The following SHPRH variants were observed in gnomAD, a reference collection of about 807,000 sequenced individuals.
SHPRH encodes the protein SNF2 histone linker PHD RING helicase.
Under a neutral mutation model 202.5 loss-of-function variants are expected in SHPRH, and 106 were observed. That is an observed-to-expected ratio of 0.52 (90% CI 0.45 to 0.62). The LOEUF (loss-of-function observed/expected upper bound fraction) is 0.62, where lower values mean the gene tolerates loss of function less well. SHPRH is among the 20% of genes least tolerant of loss of function. The probability of loss-of-function intolerance (pLI) is 0.00; values close to 1 mark genes in which losing one functional copy is unlikely to be tolerated. For missense variants in SHPRH, 1,710 were observed against 2,020.0 expected, an observed-to-expected ratio of 0.85 and a Z score of 2.94; for synonymous variants, 729 against 686.0, an observed-to-expected ratio of 1.06 and a Z score of -0.98.
intron 29 of SHPRH, among the ~76,000 whole-genome samples, chr6:145,887,529 G>GT (rs200904161): frequency 0.03 from 3,874 of 129,902 alleles, 152 homozygotes; most frequent in African/African-American, 0.038. Flanking sequence ...ACCTTAACAA[G>GT]TTTGTTTTTT....
At chr6:145,858,792 GT>G in the SHPRH span, among the ~76,000 whole-genome samples, 5 of 151,964 alleles carry the variant, frequency 3.3e-5, no homozygotes, top group African/African-American at 9.7e-5. Flanking sequence ...CAATAAATGT[GT>G]CACAGAACTA....
chr6:145,955,812 C>G (rs1005461310), intron 1 of SHPRH, among the ~76,000 whole-genome samples: 1 of 151,712 alleles, frequency 6.6e-6, no homozygotes, highest in Admixed American at 6.6e-5. Flanking sequence ...AAATAAGACC[C>G]ATTACAAGAA....
At chr6:145,887,883 G>A in intron 29 of SHPRH, 137 bp downstream of exon 29, 3 of 641,604 alleles carry the variant, frequency 4.7e-6, no homozygotes, top group Non-Finnish European at 8.2e-6. Flanking sequence ...ACAGTGAAAA[G>A]GCAAAACGTC....
chr6:145,962,749 C>T (rs1056333557), intron 1 of SHPRH, among the ~76,000 whole-genome samples: 3 of 152,132 alleles, frequency 2.0e-5, no homozygotes, highest in African/African-American at 7.2e-5. Flanking sequence ...ATATTCCTGT[C>T]CAAAATGTTG....
At chr6:145,957,702 G>A (rs1051915170) in intron 1 of SHPRH, among the ~76,000 whole-genome samples, 6 of 152,120 alleles carry the variant, frequency 3.9e-5, no homozygotes, top group Admixed American at 6.5e-5. Context: ...AAAACACTGA[G>A]AGTATGGCTC....
chr6:145,941,490 G>A, intron 10 of SHPRH, 133 bp downstream of exon 10: 5 of 1,369,678 alleles, frequency 3.7e-6, no homozygotes, highest in Non-Finnish European at 4.9e-6. Context: ...CACAAGTAGT[G>A]TTTAATAACA....
intron 9 of SHPRH, among the ~76,000 whole-genome samples, chr6:145,942,939 T>C (rs1786950844): frequency 6.6e-6 from 1 of 152,206 alleles, no homozygotes; most frequent in Non-Finnish European, 1.5e-5. Flanking sequence ...CTTTAATTGG[T>C]GAAATTCTGA....
intron 2 of SHPRH, among the ~76,000 whole-genome samples, chr6:145,867,019 T>C (rs946305482): frequency 6.6e-6 from 1 of 152,198 alleles, no homozygotes; most frequent in East Asian, 1.9e-4. Context: ...AGATCTGTAT[T>C]CTATTATTTA....
intron 2 of SHPRH, chr6:145,864,603 A>C (rs1779688911): frequency 1.2e-5 from 2 of 166,998 alleles, no homozygotes; most frequent in South Asian, 1.9e-4. Context: ...CAAAGAAAGA[A>C]ATTTTTTTTT....
chr6:145,941,354 T>G (rs775049260), intron 10 of SHPRH, among the ~76,000 whole-genome samples: 1 of 152,228 alleles, frequency 6.6e-6, no homozygotes, highest in Non-Finnish European at 1.5e-5. Flanking sequence ...AAACACAGTT[T>G]ACTTTGATCT....
chr6:145,915,964 T>C (rs1783915319), intron 23 of SHPRH, among the ~76,000 whole-genome samples: 1 of 152,108 alleles, frequency 6.6e-6, no homozygotes, highest in African/African-American at 2.4e-5. Context: ...ATTACAAGTA[T>C]GCTAGATCTA....
At chr6:145,950,078 A>G (rs1411440910) in intron 4 of SHPRH, among the ~76,000 whole-genome samples, 186 bp downstream of exon 4, 1 of 152,164 alleles carries the variant, frequency 6.6e-6, no homozygotes, top group African/African-American at 2.4e-5. Flanking sequence ...TTATGAATGA[A>G]GAAACTCACA....
At chr6:145,864,474 G>C (rs551901290) in exon 3 of SHPRH, 10 of 272,128 alleles carry the variant, frequency 3.7e-5, no homozygotes, top group African/African-American at 2.3e-4. Context: ...ACAAAATAAC[G>C]CCTGTTCCTC....
At chr6:145,906,496 A>G (rs529713872) in intron 25 of SHPRH, 15 of 152,220 alleles carry the variant, frequency 9.9e-5, no homozygotes, top group East Asian at 5.8e-4. Flanking sequence ...TTTGACTTCA[A>G]TGAAACTCTA....
intron 11 of SHPRH, 187 bp from the exon 12 acceptor site, chr6:145,935,628 T>C: frequency 1.7e-6 from 1 of 596,810 alleles, no homozygotes; most frequent in Non-Finnish European, 2.8e-6. Flanking sequence ...TATTCTGCCC[T>C]AGGTTTTGGG....
chr6:145,884,008 T>G (rs2128703062), downstream of SHPRH: 1 of 152,318 alleles, frequency 6.6e-6, no homozygotes, highest in South Asian at 2.1e-4. Context: ...TTAAGCACAT[T>G]GGAAGAGCTA....
At chr6:145,862,783 A>C (rs1274431154), downstream of SHPRH, 1 of 152,194 alleles carries the variant, frequency 6.6e-6, no homozygotes, top group African/African-American at 2.4e-5. Flanking sequence ...CCTGTGTAAT[A>C]CTAATAAAGG....
At chr6:145,890,507 T>A (rs1173940741) in intron 28 of SHPRH, among the ~76,000 whole-genome samples, 1 of 152,098 alleles carries the variant, frequency 6.6e-6, no homozygotes, top group Non-Finnish European at 1.5e-5. Flanking sequence ...CCTAGGACAC[T>A]CCTGTCTTCT....
At chr6:145,918,057 A>G in intron 23 of SHPRH, 74 bp downstream of exon 23, 4 of 1,101,194 alleles carry the variant, frequency 3.6e-6, no homozygotes, top group Non-Finnish European at 5.3e-6. Context: ...TGCACCATTA[A>G]TTATGAAAGG....
Sources: allele counts gnomAD v4.1 joint callset (sites outside exome capture counted in the v4.1 genomes callset), GRCh38; gene constraint gnomAD v4.1.1; transcripts MANE v1.5; gene names NCBI Gene and HGNC (gene_info 2026-07-23, HGNC 2026-07-21).